DIS3L2: variants seen among roughly 807,000 people sequenced by gnomAD.
The protein encoded by DIS3L2 is DIS3 like 3'-5' exoribonuclease 2.
DIS3L2 carries 34 observed loss-of-function variants against 97.5 expected under a neutral mutation model. That is an observed-to-expected ratio of 0.35 (90% CI 0.27 to 0.46). DIS3L2 has a LOEUF of 0.46. Among genes scored for constraint, DIS3L2 ranks in the 20% least tolerant of loss-of-function variants. The probability of loss-of-function intolerance (pLI) is 1.00; values close to 1 mark genes in which losing one functional copy is unlikely to be tolerated. For missense variants in DIS3L2, 1,038 were observed against 1,146.0 expected (o/e 0.91, Z 1.36); for synonymous variants, 435 against 445.2 (o/e 0.98, Z 0.29).
intron 6 of DIS3L2, among the ~76,000 whole-genome samples, chr2:232,124,515 G>C (rs3103266): frequency 0.99 from 150,715 of 152,310 alleles, 74,572 homozygotes; most frequent in Middle Eastern, 1. Context: ...AACTGGAAGA[G>C]AGTAAGAAAA....
chr2:232,132,587 C>G lies in DIS3L2; in HGVS notation c.702+1868C>G, dbSNP rs78698094. 5.6e-3 allele frequency among the ~76,000 whole-genome samples: 849 copies of G among 152,282 alleles called. 6 individuals carry two copies. The highest frequency in any genetic ancestry group is 0.018 in the African/African-American group (738 of 41,554). ...AGCAACAACAGAAGGTGGCCCAGGC[C>G]TAGTGTTTCTGAATGCCAACCTAGC... On this transcript the variant is annotated intron_variant, in intron 7 of 20. Transcript: ENST00000325385.
intron 3 of DIS3L2, 166 bp downstream of exon 3, chr2:232,015,837 T>TA (rs1694340941): frequency 1.5e-6 from 1 of 674,028 alleles, no homozygotes. Context: ...AGATTCTTCT[T>TA]AGAACTACAG....
chr2:232,195,039 CAAAAA>C (rs1157080140), intron 9 of DIS3L2, among the ~76,000 whole-genome samples: 1 of 152,030 alleles, frequency 6.6e-6, no homozygotes, highest in Non-Finnish European at 1.5e-5. Flanking sequence ...AAAAACAAAA[CAAAAA>C]ACTATAGAAC....
intron 13 of DIS3L2, among the ~76,000 whole-genome samples, chr2:232,288,634 G>A (rs986358110): frequency 2.0e-5 from 3 of 152,196 alleles, no homozygotes; most frequent in African/African-American, 7.2e-5. Flanking sequence ...CCAATTCCCT[G>A]GAAGATCATT....
chr2:232,030,000 A>G lies in DIS3L2; in HGVS notation c.286A>G (p.Ile96Val), dbSNP rs1409634191. The G allele has an allele frequency of 2.5e-6, 4 of 1,604,184 alleles. No individual in the cohort carries two copies. The highest frequency in any genetic ancestry group is 2.7e-5 in the African/African-American group (2 of 74,170). The part of the protein sequence containing the change: ...PSPDGDRDIF[I>V]DGVVARNRAL... ...CTAGGATGGTGATCGAGACATTTTT[A>G]TTGATGGGGTTGTTGCTCGTAATAG... The change falls in exon 5 of 21, where the codon ATT (isoleucine) becomes GTT (valine). Residue 96 changes from isoleucine to valine, a missense_variant. By Grantham distance (29) the Ile-to-Val change is conservative. Transcript: ENST00000325385.
At chr2:231,991,481 G>C (rs916791904) in intron 1 of DIS3L2, among the ~76,000 whole-genome samples, 3 of 151,994 alleles carry the variant, frequency 2.0e-5, no homozygotes, top group Non-Finnish European at 4.4e-5. Flanking sequence ...TGTTGCCCAG[G>C]CTGGTCTTAA....
At chr2:232,330,058 AGGTGG>A in intron 15 of DIS3L2, 62 bp downstream of exon 15, 1 of 1,546,728 alleles carries the variant, frequency 6.5e-7, no homozygotes, top group East Asian at 2.3e-5. Context: ...AAGACCTGGA[AGGTGG>A]GGTGGTCCAG....
chr2:232,342,150 C>CACATAT (rs1295127612), downstream of DIS3L2, among the ~76,000 whole-genome samples: 16 of 151,756 alleles, frequency 1.1e-4, no homozygotes, highest in East Asian at 1.9e-4. Flanking sequence ...TACATATATA[C>CACATAT]ACATATACAT....
chr2:232,323,603 CCTT>C (rs1343520221), intron 14 of DIS3L2, among the ~76,000 whole-genome samples: 1 of 152,200 alleles, frequency 6.6e-6, no homozygotes, highest in African/African-American at 2.4e-5. Context: ...GCTCCAGAGG[CCTT>C]CTCCTCTGGG....
intron 5 of DIS3L2, among the ~76,000 whole-genome samples, chr2:232,072,701 CAGGATGG>C (rs2106288484): frequency 6.6e-6 from 1 of 151,844 alleles, no homozygotes; most frequent in East Asian, 1.9e-4. Flanking sequence ...TGCTTACTTC[CAGGATGG>C]AGATGATGGA....
intron 11 of DIS3L2, among the ~76,000 whole-genome samples, chr2:232,240,866 T>C (rs1173772500): frequency 3.3e-5 from 5 of 152,234 alleles, no homozygotes; most frequent in African/African-American, 7.2e-5. Context: ...GGAATTACTT[T>C]TCAAAATCAG....
intron 13 of DIS3L2, among the ~76,000 whole-genome samples, chr2:232,267,219 A>G (rs542745010): frequency 4.9e-4 from 74 of 152,212 alleles, no homozygotes; most frequent in Non-Finnish European, 9.3e-4. Flanking sequence ...GTGTGCTGTC[A>G]TATATTAGCA....
intron 3 of DIS3L2, among the ~76,000 whole-genome samples, chr2:232,018,195 G>T (rs961409981): frequency 1.3e-4 from 20 of 152,292 alleles, no homozygotes; most frequent in Middle Eastern, 6.8e-3. Context: ...ACAGCGTTCT[G>T]CAGTGATATT....
chr2:232,116,279 G>T (rs1697708873), intron 6 of DIS3L2, among the ~76,000 whole-genome samples: 1 of 152,154 alleles, frequency 6.6e-6, no homozygotes, highest in South Asian at 2.1e-4. Flanking sequence ...AAGAAGGGAA[G>T]GCTCGAGCCA....
At chr2:232,338,337 C>T (rs1386961462), downstream of DIS3L2, among the ~76,000 whole-genome samples, 1 of 152,188 alleles carries the variant, frequency 6.6e-6, no homozygotes, top group East Asian at 1.9e-4. Flanking sequence ...GTCCCAGCGC[C>T]CCCAGGCCCC....
intron 5 of DIS3L2, among the ~76,000 whole-genome samples, chr2:232,033,535 C>T (rs1341094156): frequency 1.3e-5 from 2 of 152,170 alleles, no homozygotes; most frequent in Admixed American, 1.3e-4. Flanking sequence ...GAGAGGGCAT[C>T]CTTGTCTTGT....
chr2:232,184,496 C>A (rs1047890314), intron 9 of DIS3L2, among the ~76,000 whole-genome samples: 8 of 151,980 alleles, frequency 5.3e-5, no homozygotes, highest in African/African-American at 1.7e-4. Flanking sequence ...ACAAAAATTA[C>A]AAAAATTAGC....
chr2:232,086,863 G>A (rs1696671307), intron 5 of DIS3L2, among the ~76,000 whole-genome samples: 1 of 150,998 alleles, frequency 6.6e-6, no homozygotes, highest in Admixed American at 6.6e-5. Context: ...TATATTTTTA[G>A]TAGAGACAGA....
intron 9 of DIS3L2, among the ~76,000 whole-genome samples, chr2:232,176,615 G>A (rs999517053): frequency 6.6e-6 from 1 of 151,314 alleles, no homozygotes; most frequent in Non-Finnish European, 1.5e-5. Context: ...TGAGATGGGA[G>A]TCTCACTCTG....
Sources: allele counts gnomAD v4.1 joint callset (sites outside exome capture counted in the v4.1 genomes callset), GRCh38; gene constraint gnomAD v4.1.1; transcripts MANE v1.5; gene names NCBI Gene and HGNC (gene_info 2026-07-23, HGNC 2026-07-21).